AZGP1: variants seen among roughly 807,000 people sequenced by gnomAD.
AZGP1 encodes the protein alpha-2-glycoprotein 1, zinc-binding.
Under a neutral mutation model 31.5 loss-of-function variants are expected in AZGP1, and 28 were observed. The observed-to-expected ratio is 0.89, with a 90% confidence interval of 0.66 to 1.22. The LOEUF (loss-of-function observed/expected upper bound fraction) is 1.22, where lower values mean the gene tolerates loss of function less well. Ranked by LOEUF, AZGP1 falls within the 50% of genes most tolerant of loss-of-function variation. The pLI is 0.00. For missense variants in AZGP1, 361 were observed against 371.8 expected (o/e 0.97, Z 0.24); for synonymous variants, 135 against 145.4 (o/e 0.93, Z 0.51).
chr7:99,967,522 G>T, intron 3 of AZGP1: 1 of 574,846 alleles, frequency 1.7e-6, no homozygotes, highest in Non-Finnish European at 3.1e-6. Flanking sequence ...TGAATGCTCC[G>T]TGTGCTTCTC....
chr7:99,969,465 C>T (rs1789546066), intron 2 of AZGP1, among the ~76,000 whole-genome samples: 1 of 149,242 alleles, frequency 6.7e-6, no homozygotes. Flanking sequence ...CCTGTAGTCC[C>T]AGTTATCGGG....
Position 99,968,155 on chromosome 7 carries a change from C to A in AZGP1, c.613G>T (p.Asp205Tyr), listed in dbSNP as rs1376760264. Reference sequence around the variant, plus strand: ...CTGGGGAGCAGGAAGCAGTGAGTACCTTGCCGGTCCAGGATATTTTTGCTG... The same window carrying A: ...CTGGGGAGCAGGAAGCAGTGAGTACATTGCCGGTCCAGGATATTTTTGCTG... ...KYSKNILDRQ[D>Y]PPSVVVTSHQ... Residue 205 changes from aspartate to tyrosine, a missense_variant and splice_region_variant, in exon 3 of 4, where the codon GAT becomes TAT. Transcript: ENST00000292401. 4.3e-6 allele frequency: 7 copies of A among 1,613,756 alleles called. No individual in the cohort carries two copies. The highest frequency in any genetic ancestry group is 5.9e-6 in the Non-Finnish European group (7 of 1,180,018).
chr7:99,971,717 TC>T (rs1359104514), intron 2 of AZGP1, 28 bp downstream of exon 2: 2 of 1,604,062 alleles, frequency 1.2e-6, no homozygotes, highest in Non-Finnish European at 1.7e-6. Context: ...GGTTAGACCT[TC>T]CACCCCTGTG....
chr7:99,975,878 C>A, intron 1 of AZGP1, 67 bp downstream of exon 1: 4 of 1,568,274 alleles, frequency 2.6e-6, no homozygotes, highest in Admixed American at 1.7e-5. Flanking sequence ...TGTCTCCCAG[C>A]CACATGTCCT....
At chr7:99,967,860 G>T (rs1789510867) in intron 3 of AZGP1, 12 of 591,928 alleles carry the variant, frequency 2.0e-5, no homozygotes. Context: ...TACAGACAGT[G>T]TTACCCTCAC....
intron 2 of AZGP1, chr7:99,971,537 T>A: frequency 1.7e-6 from 1 of 596,096 alleles, no homozygotes; most frequent in Non-Finnish European, 2.8e-6. Flanking sequence ...ACCTGAGGCC[T>A]GGGATGAGGA....
chr7:99,973,035 T>C (rs1789606024), intron 1 of AZGP1, among the ~76,000 whole-genome samples: 1 of 151,636 alleles, frequency 6.6e-6, no homozygotes, highest in South Asian at 2.1e-4. Context: ...GAGAATGGCA[T>C]GAACCCGGGA....
Position 99,967,126 on chromosome 7 carries a change from T to C in AZGP1, c.774A>G (p.Gly258=). The change falls in exon 4 of 4, where the codon GGA becomes GGG. Residue 258 remains glycine, a synonymous_variant. Coordinates refer to ENST00000292401, the MANE Select transcript of AZGP1 (RefSeq NM_001185.4). The part of the protein sequence containing the change: ...PELRGDVLHN[G]NGTYQSWVVV... ...CCACCCAGGACTGGTAAGTGCCATT[T>C]CCATTGTGAAGAACATCTCCCCGTA... 1 of 1,614,134 alleles carries C rather than the reference T, an allele frequency of 6.2e-7. No individual in the cohort carries two copies.
intron 1 of AZGP1, among the ~76,000 whole-genome samples, chr7:99,973,560 G>C (rs1789612648): frequency 6.6e-6 from 1 of 151,908 alleles, no homozygotes; most frequent in Non-Finnish European, 1.5e-5. Flanking sequence ...GGTGGTTAAT[G>C]GGTACAAAAA....
At chr7:99,970,955 C>T (rs527559546) in intron 2 of AZGP1, among the ~76,000 whole-genome samples, 10 of 152,286 alleles carry the variant, frequency 6.6e-5, no homozygotes, top group East Asian at 1.9e-4. Flanking sequence ...CATCTCTGCA[C>T]GGGCTCTGCC....
At chr7:99,967,355 C>A (rs1789501611) in intron 3 of AZGP1, 69 bp from the exon 4 acceptor site, 35 of 1,520,350 alleles carry the variant, frequency 2.3e-5, no homozygotes, top group Admixed American at 3.7e-5. Flanking sequence ...CTCTTCCTAC[C>A]CCCACCCCTG....
At chr7:99,972,548 C>T (rs1037046993) in intron 1 of AZGP1, among the ~76,000 whole-genome samples, 1 of 152,240 alleles carries the variant, frequency 6.6e-6, no homozygotes, top group African/African-American at 2.4e-5. Context: ...CTCCGTGGCT[C>T]ATGCCTGTAA....
Position 99,968,252 on chromosome 7 carries a change from T to C in AZGP1, c.516A>G (p.Pro172=). ...AAGCCTTGGCCCGCTGCACGTAGAC[T>C]GGTTCTGCCTCCCACTTCTGCTTGG... ...QITKQKWEAE[P]VYVQRAKAYL... Residue 172 remains proline, a synonymous_variant, in exon 3 of 4, where the codon CCA becomes CCG. Transcript: ENST00000292401. The C allele has an allele frequency of 1.2e-6, 2 of 1,613,866 alleles. No individual in the cohort carries two copies. Among genetic ancestry groups the C allele is most frequent in the Non-Finnish European group, 1.7e-6 (2 of 1,179,992 alleles).
rs1789582994 is a variant in AZGP1, at chr7:99,971,870, C to T, written c.213G>A (p.Met71Ile). The T allele has an allele frequency of 1.2e-6, 2 of 1,614,190 alleles. No homozygotes were observed. Reference sequence around the variant, plus strand: ...TTCCTTCCACCTGTCTCCAGAGTCCCATGGGCTGAGACTTCCTGTCTTTAC... The same window carrying T: ...TTCCTTCCACCTGTCTCCAGAGTCCTATGGGCTGAGACTTCCTGTCTTTAC... Reference protein sequence around the residue: ...YNSKDRKSQPMGLWRQVEGME... With the variant: ...YNSKDRKSQPIGLWRQVEGME... Residue 71 changes from methionine to isoleucine, a missense_variant, in exon 2 of 4, where the codon ATG (methionine) becomes ATA (isoleucine). Transcript: ENST00000292401.
chr7:99,974,143 T>C (rs1789621506), intron 1 of AZGP1, among the ~76,000 whole-genome samples: 1 of 151,760 alleles, frequency 6.6e-6, no homozygotes, highest in South Asian at 2.1e-4. Context: ...TGTGGCAGTG[T>C]ACACCCGAGG....
Position 99,968,227 on chromosome 7 carries a change from A to G in AZGP1, c.541T>C (p.Tyr181His). The G allele has an allele frequency of 6.2e-7, 1 of 1,613,864 alleles. No individual in the cohort carries two copies. The highest frequency in any genetic ancestry group is 8.5e-7 in the Non-Finnish European group (1 of 1,179,986). The part of the protein sequence containing the change: ...EPVYVQRAKA[Y>H]LEEECPATLR... The stretch of plus-strand genomic sequence containing the variant: ...GTCGCAGGGCACTCCTCCTCCAGGT[A>G]AGCCTTGGCCCGCTGCACGTAGACT... The change falls in exon 3 of 4, where the codon TAC (tyrosine) becomes CAC (histidine). Residue 181 changes from tyrosine to histidine, a missense_variant. Tyr to His is a moderately conservative substitution (Grantham distance 83). Transcript: ENST00000292401.
rs1789531865 is a variant in AZGP1, at chr7:99,968,715, C to A, written c.338-285G>T. The A allele has an allele frequency of 1.4e-5, 6 of 425,512 alleles. No homozygotes were observed. In the South Asian group the frequency reaches 1.8e-4, roughly 13 times the overall value. 26.4% of individuals were successfully genotyped at this position (425,512 alleles called of 1,614,324 possible). A position where few individuals can be genotyped will look rare whatever the true frequency, so the allele number is the denominator to read the frequency against. ...CTGTGGCTCATGCCTGTAATCCCAG[C>A]ACTTTGAGAAGCTGAAGCGAGTGGA... On this transcript the variant is annotated intron_variant, in intron 2 of 3. Coordinates refer to ENST00000292401, the MANE Select transcript of AZGP1 (RefSeq NM_001185.4).
chr7:99,967,799 C>A (rs1789509824), intron 3 of AZGP1: 1 of 531,786 alleles, frequency 1.9e-6, no homozygotes, highest in Non-Finnish European at 3.3e-6. Context: ...AGATAAAAAA[C>A]GATGGGATTT....
chr7:99,972,775 C>A (rs758656733), intron 1 of AZGP1, among the ~76,000 whole-genome samples: 3 of 152,104 alleles, frequency 2.0e-5, no homozygotes, highest in African/African-American at 4.8e-5. Flanking sequence ...GATCATGCCA[C>A]TGCACTCCAG....
Sources: allele counts gnomAD v4.1 joint callset (sites outside exome capture counted in the v4.1 genomes callset), GRCh38; gene constraint gnomAD v4.1.1; transcripts MANE v1.5; gene names NCBI Gene and HGNC (gene_info 2026-07-23, HGNC 2026-07-21).